Variants in RPL18 observed in about 807,000 individuals in gnomAD.
RPL18 encodes the protein ribosomal protein L18, also known as large ribosomal subunit protein eL18.
In RPL18, 4 loss-of-function variants were observed where a neutral mutation model predicts 25.0. That is an observed-to-expected ratio of 0.16 (90% CI 0.08 to 0.37). The LOEUF is 0.37. Ranked by LOEUF, RPL18 falls within the 10% of genes least tolerant of loss-of-function variation. The probability of loss-of-function intolerance (pLI) is 1.00; values close to 1 mark genes in which losing one functional copy is unlikely to be tolerated. For missense variants in RPL18, 179 were observed against 267.9 expected, an observed-to-expected ratio of 0.67 and a Z score of 2.32; for synonymous variants, 129 against 101.6, an observed-to-expected ratio of 1.27 and a Z score of -1.62.
At chr19:48,616,009 G>C (rs889267092) in intron 5 of RPL18, 63 bp from the exon 6 acceptor site, 7 of 1,613,742 alleles carry the variant, frequency 4.3e-6, no homozygotes, top group African/African-American at 1.3e-5. Flanking sequence ...TGGCCTCCCA[G>C]ATCCAGGAGG....
At chr19:48,619,004 G>T (rs536749106) in intron 1 of RPL18, 137 bp downstream of exon 1, 2 of 894,906 alleles carry the variant, frequency 2.2e-6, no homozygotes, top group Middle Eastern at 2.2e-4. Flanking sequence ...CTGGCCCCCA[G>T]AGTAGGTCCC....
At chr19:48,617,071 G>A (rs1974198542) in intron 3 of RPL18, 3 of 702,968 alleles carry the variant, frequency 4.3e-6, no homozygotes, top group East Asian at 2.7e-5. Flanking sequence ...TATGACTTGG[G>A]GCAATCTCCT....
chr19:48,617,507 T>C, intron 2 of RPL18, 84 bp from the exon 3 acceptor site: 3 of 1,016,482 alleles, frequency 3.0e-6, no homozygotes, highest in Non-Finnish European at 4.6e-6. Flanking sequence ...CATGATGATC[T>C]GGACTAAAAT....
chr19:48,615,791 G>A (rs894701196), intron 6 of RPL18, 86 bp downstream of exon 6: 38 of 1,217,532 alleles, frequency 3.1e-5, no homozygotes, highest in Non-Finnish European at 4.4e-5. Flanking sequence ...TGGTACGAGG[G>A]ATAGGAGAAG....
chr19:48,617,566 G>T, intron 2 of RPL18, 143 bp from the exon 3 acceptor site: 1 of 730,592 alleles, frequency 1.4e-6, no homozygotes, highest in Non-Finnish European at 2.3e-6. Flanking sequence ...GAGAAAGCTG[G>T]CCCAGGTCCT....
intron 4 of RPL18, 81 bp downstream of exon 4, chr19:48,616,641 GACCA>G: frequency 2.0e-6 from 2 of 999,792 alleles, no homozygotes. Flanking sequence ...ACTGAGGATG[GACCA>G]GCACAGCACA....
chr19:48,616,630 G>A (rs778339881), intron 4 of RPL18, 96 bp downstream of exon 4: 2 of 809,420 alleles, frequency 2.5e-6, no homozygotes, highest in Non-Finnish European at 4.0e-6. Context: ...GCGGTGGCAA[G>A]ACTGAGGATG....
intron 6 of RPL18, 22 bp from the exon 7 acceptor site, chr19:48,615,469 A>G (rs1184491705): frequency 6.3e-7 from 1 of 1,594,866 alleles, no homozygotes; most frequent in Admixed American, 1.7e-5. Flanking sequence ...GGAGGGAGTG[A>G]GAGGGGGGCC....
At chr19:48,616,404 ACTACAGCAAGGAAG>A (rs1249891899) in intron 4 of RPL18, 1 of 674,838 alleles carries the variant, frequency 1.5e-6, no homozygotes, top group African/African-American at 1.8e-5. Flanking sequence ...TATGCTAGAA[ACTACAGCAAGGAAG>A]CTGGGCCAAA....
chr19:48,616,627 C>G (rs1974179196), intron 4 of RPL18, 99 bp downstream of exon 4: 1 of 852,960 alleles, frequency 1.2e-6, no homozygotes, highest in African/African-American at 1.7e-5. Flanking sequence ...CCAGCGGTGG[C>G]AAGACTGAGG....
intron 2 of RPL18, 112 bp downstream of exon 2, chr19:48,617,679 C>G (rs1361828240): frequency 1.2e-6 from 1 of 825,880 alleles, no homozygotes; most frequent in Non-Finnish European, 2.0e-6. Flanking sequence ...AACCAGAGAC[C>G]CGAGACTGCT....
In RPL18 at chr19:48,616,780, C is replaced by T. The variant is rs758036843; in HGVS notation, c.243G>A (p.Val81=). The change falls in exon 4 of 7, where the codon GTG becomes GTA. Residue 81 remains valine (V), a synonymous_variant. Transcript: ENST00000549920. Reference sequence around the variant, plus strand: ...CATCATCAGTTATGGTCCCCACAACCACGGCCGTCTTGTTTTCCCGGCCAG... The same window carrying T: ...CATCATCAGTTATGGTCCCCACAACTACGGCCGTCTTGTTTTCCCGGCCAG... ...KLPGRENKTA[V]VVGTITDDVR... The T allele has an allele frequency of 1.7e-5, 28 of 1,614,042 alleles. No individual in the cohort carries two copies. Among genetic ancestry groups the T allele is most frequent in the Non-Finnish European group, 2.4e-5 (28 of 1,179,984 alleles).
At chr19:48,616,020 G>A (rs1210332049) in intron 5 of RPL18, 59 bp downstream of exon 5, 5 of 1,613,688 alleles carry the variant, frequency 3.1e-6, no homozygotes, top group East Asian at 2.2e-5. Flanking sequence ...ATCCAGGAGG[G>A]TGAAGGCTGC....
chr19:48,617,796 C>T lies in RPL18; in HGVS notation c.85G>A (p.Val29Ile). Reference sequence around the variant, plus strand: ...ACCTCAGGGCCCAGCCTCACCTTGACCAACAGCCTCAGGTAGATATCCTGG... The same window carrying T: ...ACCTCAGGGCCCAGCCTCACCTTGATCAACAGCCTCAGGTAGATATCCTGG... ...KSQDIYLRLLVKLYRFLARRT... is the reference protein window; with the variant it reads ...KSQDIYLRLLIKLYRFLARRT... The change falls in exon 2 of 7, where the codon GTC (valine) becomes ATC (isoleucine). Residue 29 changes from valine (V) to isoleucine (I), a missense_variant. Transcript: ENST00000549920. 6.2e-7 allele frequency: 1 copy of T among 1,613,806 alleles called. No individual in the cohort carries two copies. Among genetic ancestry groups the T allele is most frequent in the Non-Finnish European group, 8.5e-7 (1 of 1,179,656 alleles).
rs138053229 is a variant in RPL18 at position 48,616,131 on chromosome 19, G to C, written c.369C>G (p.Phe123Leu). Reference sequence around the variant, plus strand: ...TAGGGGAGTCCAGGGCCAGCTGGTCGAAAGTGAGGATCTTGCCCCCTGCCC... The same window carrying C: ...TAGGGGAGTCCAGGGCCAGCTGGTCCAAAGTGAGGATCTTGCCCCCTGCCC... ...ILRAGGKILT[F>L]DQLALDSPKG... The change falls in exon 5 of 7, where the codon TTC (phenylalanine) becomes TTG (leucine). Residue 123 changes from phenylalanine to leucine, a missense_variant. Coordinates refer to ENST00000549920, the MANE Select transcript of RPL18 (RefSeq NM_000979.4). The C allele has an allele frequency of 4.3e-5, 69 of 1,614,180 alleles. No individual in the cohort carries two copies. Among genetic ancestry groups the C allele is most frequent in the African/African-American group, 3.7e-4 (28 of 75,054 alleles).
chr19:48,615,555 C>A, intron 6 of RPL18, 108 bp from the exon 7 acceptor site: 1 of 913,336 alleles, frequency 1.1e-6, no homozygotes, highest in Non-Finnish European at 1.7e-6. Context: ...AGAGTCAATG[C>A]TGCTGGAAAA....
Position 48,616,211 on chromosome 19 carries a change from G to A in RPL18, c.298-9C>T. The A allele has an allele frequency of 1.9e-6, 3 of 1,613,418 alleles. No homozygotes were observed. Among genetic ancestry groups the A allele is most frequent in the South Asian group, 2.2e-5 (2 of 91,048 alleles). ...ACGCGCAGTGCACATACCTGGTGGA[G>A]AGGACAAGGCTGGCGGGTCAGACCC... On this transcript the variant is annotated splice_polypyrimidine_tract_variant and intron_variant, in intron 4 of 6. Transcript: ENST00000549920.
chr19:48,616,768 G>T lies in RPL18; in HGVS notation c.255C>A (p.Thr85=). Residue 85 remains threonine (T), a synonymous_variant, in exon 4 of 7, where the codon ACC becomes ACA. Coordinates refer to ENST00000549920, the MANE Select transcript of RPL18 (RefSeq NM_000979.4). ...RENKTAVVVG[T]ITDDVRVQEV... ...CCTGAACCCGCACATCATCAGTTAT[G>T]GTCCCCACAACCACGGCCGTCTTGT... 6.2e-7 allele frequency: 1 copy of T among 1,613,992 alleles called. No homozygotes were observed. Among genetic ancestry groups the T allele is most frequent in the Non-Finnish European group, 8.5e-7 (1 of 1,179,940 alleles).
intron 6 of RPL18, 148 bp downstream of exon 6, chr19:48,615,729 G>A: frequency 1.3e-6 from 1 of 743,936 alleles, no homozygotes; most frequent in Non-Finnish European, 2.3e-6. Context: ...GTGTTGAAGG[G>A]AAAAGCAGGC....
Sources: gnomAD v4.1 joint callset for allele counts on GRCh38, gnomAD v4.1.1 for gene constraint, MANE v1.5 for transcripts, NCBI Gene and HGNC (gene_info 2026-07-23, HGNC 2026-07-21) for gene names.